Variants in FMO5 observed in about 807,000 individuals in gnomAD.
FMO5 encodes flavin containing dimethylaniline monoxygenase 5, also known as flavin-containing monooxygenase 5.
In FMO5, 51 loss-of-function variants were observed where a neutral mutation model predicts 43.6. That is an observed-to-expected ratio of 1.17 (90% CI 0.93 to 1.48). FMO5 has a LOEUF of 1.48. Among genes scored for constraint, FMO5 ranks in the 40% most tolerant of loss-of-function variants. The pLI is 0.00. For synonymous variants in FMO5, 187 were observed against 216.5 expected (o/e 0.86, Z 1.20); for missense variants, 644 against 643.0 (o/e 1.00, Z -0.02).
chr1:147,195,421 C>T (rs1657809870), intron 7 of FMO5, among the ~76,000 whole-genome samples: 2 of 147,208 alleles, frequency 1.4e-5, no homozygotes, highest in Admixed American at 1.3e-4. Flanking sequence ...GCATGAGCCA[C>T]CATGCCCAGC....
At chr1:147,187,515 C>T (rs587744266) in intron 8 of FMO5, among the ~76,000 whole-genome samples, 7 of 152,124 alleles carry the variant, frequency 4.6e-5, no homozygotes, top group Non-Finnish European at 7.4e-5. Flanking sequence ...GAGCTGTAAT[C>T]GTTAGGTTCT....
chr1:147,213,199 G>A (rs1661369384), intron 4 of FMO5, 109 bp downstream of exon 4: 3 of 891,858 alleles, frequency 3.4e-6, no homozygotes, highest in East Asian at 5.5e-5. Flanking sequence ...ATTAGGATAA[G>A]TCTTACTTCA....
intron 7 of FMO5, 27 bp from the exon 8 acceptor site, chr1:147,190,276 T>A: frequency 7.3e-7 from 1 of 1,366,830 alleles, no homozygotes; most frequent in Non-Finnish European, 1.0e-6. Flanking sequence ...ACATTTTAAC[T>A]GTAAAATTAC....
Position 147,186,312 on chromosome 1 carries a change from G to A in FMO5, c.*588C>T. 8.1e-6 allele frequency: 8 copies of A among 982,288 alleles called. No individual in the cohort carries two copies. The highest frequency in any genetic ancestry group is 9.7e-6 in the Non-Finnish European group (8 of 827,188). 60.8% of individuals were successfully genotyped at this position (982,288 alleles called of 1,614,324 possible). ...ATAAAGACATGGTTCCTAAGGAAAAGGGCTAAAAATGACCATGTTTCAAGT... is the reference window on the plus strand; with the variant it reads ...ATAAAGACATGGTTCCTAAGGAAAAAGGCTAAAAATGACCATGTTTCAAGT... On this transcript the variant is annotated 3_prime_UTR_variant, in exon 9 of 9. Transcript: ENST00000254090.
intron 5 of FMO5, among the ~76,000 whole-genome samples, chr1:147,212,186 T>C (rs782035226): frequency 1.3e-5 from 2 of 152,204 alleles, no homozygotes; most frequent in African/African-American, 2.4e-5. Flanking sequence ...AGTTGCACAA[T>C]GGAACTCTAA....
At chr1:147,204,698 G>A in intron 6 of FMO5, 6 of 1,544,834 alleles carry the variant, frequency 3.9e-6, no homozygotes, top group Non-Finnish European at 5.4e-6. Flanking sequence ...GCAGGATGCT[G>A]TACTTCTAGT....
intron 6 of FMO5, among the ~76,000 whole-genome samples, chr1:147,201,805 C>A (rs991804806): frequency 8.5e-5 from 13 of 152,186 alleles, no homozygotes; most frequent in African/African-American, 2.6e-4. Context: ...TATGATAAGG[C>A]CACAGGTCAA....
chr1:147,203,721 C>T, intron 6 of FMO5: 1 of 1,521,726 alleles, frequency 6.6e-7, no homozygotes, highest in South Asian at 1.1e-5. Flanking sequence ...AGACGTTTAT[C>T]CCTTGTAAGA....
chr1:147,216,951 C>G (rs1553925168), intron 2 of FMO5, among the ~76,000 whole-genome samples: 2 of 152,182 alleles, frequency 1.3e-5, no homozygotes, highest in African/African-American at 2.4e-5. Context: ...TCAAAAACTT[C>G]CTATTGAGGC....
At chr1:147,197,128 C>T (rs1658148143) in intron 7 of FMO5, among the ~76,000 whole-genome samples, 1 of 152,168 alleles carries the variant, frequency 6.6e-6, no homozygotes, top group South Asian at 2.1e-4. Context: ...TCCTTCATTC[C>T]TATAACACTT....
rs1655672746 is a variant in FMO5 at position 147,186,697 on chromosome 1, G to A, written c.*203C>T. 27 of 1,392,666 alleles carry A rather than the reference G, an allele frequency of 1.9e-5. No homozygotes were observed. The highest frequency in any genetic ancestry group is 6.7e-5 in the South Asian group (4 of 60,030). 86.3% of individuals were successfully genotyped at this position (1,392,666 alleles called of 1,614,324 possible). On this transcript the variant is annotated 3_prime_UTR_variant, in exon 9 of 9. Coordinates refer to ENST00000254090, the MANE Select transcript of FMO5 (RefSeq NM_001461.4). ...AGGGATTACCACAAGGAAGAGTGACGGATCATGAGTGGAAGGGAGATGAGT... is the reference window on the plus strand; with the variant it reads ...AGGGATTACCACAAGGAAGAGTGACAGATCATGAGTGGAAGGGAGATGAGT...
At chr1:147,216,051 A>G (rs1661935046) in intron 2 of FMO5, 109 bp from the exon 3 acceptor site, 1 of 708,164 alleles carries the variant, frequency 1.4e-6, no homozygotes, top group East Asian at 2.6e-5. Context: ...ATTAAATCAC[A>G]CACACACCTT....
chr1:147,192,436 A>G (rs1657053206), intron 7 of FMO5, among the ~76,000 whole-genome samples: 2 of 152,136 alleles, frequency 1.3e-5, no homozygotes, highest in South Asian at 4.1e-4. Flanking sequence ...TTTTCTAGAT[A>G]TACAATCATG....
downstream of FMO5, among the ~76,000 whole-genome samples, chr1:147,185,511 CA>C (rs782667883): frequency 2.8e-4 from 42 of 152,090 alleles, no homozygotes; most frequent in Non-Finnish European, 5.0e-4. Flanking sequence ...CTCTAACTCT[CA>C]AAAGGCATTC....
At chr1:147,225,937 T>A (rs1663943877), upstream of FMO5, 1 of 152,166 alleles carries the variant, frequency 6.6e-6, no homozygotes, top group Non-Finnish European at 1.5e-5. Flanking sequence ...TCGTGATACA[T>A]CAAACAAGAG....
At chr1:147,187,327 T>TA in intron 8 of FMO5, 82 bp from the exon 9 acceptor site, 1 of 974,140 alleles carries the variant, frequency 1.0e-6, no homozygotes, top group South Asian at 1.6e-5. Context: ...GAGTGCCTGC[T>TA]ATTGGCTCAA....
At chr1:147,219,715 C>T (rs782250929) in intron 2 of FMO5, among the ~76,000 whole-genome samples, 14 of 149,288 alleles carry the variant, frequency 9.4e-5, no homozygotes, top group East Asian at 2.0e-4. Context: ...ATGACCTGAC[C>T]GTCTATGTAG....
intron 7 of FMO5, among the ~76,000 whole-genome samples, chr1:147,197,416 G>C (rs1658195336): frequency 1.3e-5 from 2 of 152,168 alleles, no homozygotes; most frequent in South Asian, 4.1e-4. Flanking sequence ...GTCTGTCTTT[G>C]ATATGGTTTG....
At chr1:147,198,844 G>A (rs868995845) in intron 7 of FMO5, among the ~76,000 whole-genome samples, 3 of 95,992 alleles carry the variant, frequency 3.1e-5, no homozygotes, top group African/African-American at 4.4e-5. Context: ...GAGCGAGACT[G>A]CATCTCAAAA....
Sources: gnomAD v4.1 joint callset for allele counts (sites outside exome capture counted in the v4.1 genomes callset) on GRCh38, gnomAD v4.1.1 for gene constraint, MANE v1.5 for transcripts, NCBI Gene and HGNC (gene_info 2026-07-23, HGNC 2026-07-21) for gene names.